ENTPD1: variants seen among roughly 807,000 people sequenced by gnomAD.
ENTPD1 encodes the protein ATP diphosphohydrolase.
Under a neutral mutation model 57.0 loss-of-function variants are expected in ENTPD1, and 33 were observed. The observed-to-expected ratio is 0.58, with a 90% CI of 0.44 to 0.77. The LOEUF is 0.77. ENTPD1 is among the 30% of genes least tolerant of loss of function. ENTPD1 has a pLI of 0.00. For synonymous variants in ENTPD1, 202 were observed against 218.8 expected, an observed-to-expected ratio of 0.92 and a Z score of 0.68; for missense variants, 501 against 603.4, an observed-to-expected ratio of 0.83 and a Z score of 1.78.
chr10:95,706,277 T>C, the ENTPD1 span, among the ~76,000 whole-genome samples: 1 of 152,248 alleles, frequency 6.6e-6, no homozygotes, highest in Non-Finnish European at 1.5e-5. Context: ...CCTAGAAACC[T>C]CTGTGGCCAG....
chr10:95,710,410 A>AT (rs1321722945), upstream of ENTPD1, among the ~76,000 whole-genome samples: 12 of 151,864 alleles, frequency 7.9e-5, no homozygotes, highest in Non-Finnish European at 1.5e-4. Context: ...TTTAAAAAAA[A>AT]TTTTTTTTAA....
At chr10:95,774,357 G>C (rs566115625) in intron 1 of ENTPD1, among the ~76,000 whole-genome samples, 1 of 152,056 alleles carries the variant, frequency 6.6e-6, no homozygotes, top group Non-Finnish European at 1.5e-5. Flanking sequence ...TGTCTATTTT[G>C]GCTTTTGTTG....
chr10:95,796,371 G>A (rs1213550988), intron 1 of ENTPD1, among the ~76,000 whole-genome samples: 1 of 152,120 alleles, frequency 6.6e-6, no homozygotes, highest in Non-Finnish European at 1.5e-5. Flanking sequence ...AAGACTTCCT[G>A]GAAGTGATAA....
intron 1 of ENTPD1, among the ~76,000 whole-genome samples, chr10:95,719,748 T>C (rs1311357267): frequency 6.6e-6 from 1 of 152,208 alleles, no homozygotes; most frequent in East Asian, 1.9e-4. Flanking sequence ...GGTATGAGAA[T>C]TGACTCAAGT....
intron 1 of ENTPD1, among the ~76,000 whole-genome samples, chr10:95,815,079 G>A (rs772200106): frequency 1.1e-4 from 16 of 152,140 alleles, no homozygotes; most frequent in African/African-American, 2.9e-4. Context: ...GAAAAAACCC[G>A]CTAAATTAAA....
chr10:95,707,398 A>G (rs2097962977), upstream of ENTPD1, among the ~76,000 whole-genome samples: 1 of 152,186 alleles, frequency 6.6e-6, no homozygotes, highest in African/African-American at 2.4e-5. Flanking sequence ...CAGAAAGGGC[A>G]GGCCTCCCAC....
At chr10:95,699,293 A>C in the ENTPD1 span, among the ~76,000 whole-genome samples, 3 of 152,232 alleles carry the variant, frequency 2.0e-5, no homozygotes, top group Non-Finnish European at 2.9e-5. Flanking sequence ...TCAACTAGGA[A>C]TTGTGATTAA....
Position 95,866,288 on chromosome 10 carries a change from C to G in ENTPD1, c.1438C>G (p.Leu480Val), listed in dbSNP as rs769482123. ...TCTCTCCCACTCCACCTATGTCTTCCTCATGGTTCTATTCTCCCTGGTCCT... is the reference window on the plus strand; with the variant it reads ...TCTCTCCCACTCCACCTATGTCTTCGTCATGGTTCTATTCTCCCTGGTCCT... Reference protein sequence around the residue: ...TPLSHSTYVFLMVLFSLVLFT... With the variant: ...TPLSHSTYVFVMVLFSLVLFT... Residue 480 changes from leucine (L) to valine (V), a missense_variant, in exon 10 of 10, where the codon CTC becomes GTC. Physicochemically the swap from Leu to Val is conservative, Grantham distance 32. Coordinates refer to ENST00000371205, the MANE Select transcript of ENTPD1 (RefSeq NM_001776.6). 1 of 1,614,208 alleles carries G rather than the reference C, an allele frequency of 6.2e-7. No homozygotes were observed. The highest frequency in any genetic ancestry group is 1.1e-5 in the South Asian group (1 of 91,090).
chr10:95,744,037 C>G (rs1369683578), intron 1 of ENTPD1, among the ~76,000 whole-genome samples: 13 of 58,556 alleles, frequency 2.2e-4, no homozygotes, highest in South Asian at 5.6e-4. Flanking sequence ...TATATATATG[C>G]ACAACTATAA....
intron 2 of ENTPD1, among the ~76,000 whole-genome samples, chr10:95,830,442 A>T (rs2098392689): frequency 6.6e-6 from 1 of 152,190 alleles, no homozygotes; most frequent in Non-Finnish European, 1.5e-5. Flanking sequence ...CTTTTCAAAA[A>T]TATGGCTGGG....
rs994274580 is a variant in ENTPD1, at chr10:95,813,816, G to A, written c.17-9421G>A. Among the ~76,000 whole-genome samples the A allele has an allele frequency of 2.0e-5, 3 of 152,184 alleles. No homozygotes were observed. In the South Asian group the frequency reaches 6.2e-4, roughly 32 times the overall value. On this transcript the variant is annotated intron_variant, in intron 1 of 9. Transcript: ENST00000371205. ...GGTGCAAAAATAAGGCGGTATAAAT[G>A]AGAGAGTTTATAAAGGCAAGGTATA... is the stretch of plus-strand genomic sequence containing the variant.
intron 1 of ENTPD1, among the ~76,000 whole-genome samples, chr10:95,721,379 T>C (rs1343363009): frequency 6.6e-6 from 1 of 152,234 alleles, no homozygotes; most frequent in African/African-American, 2.4e-5. Flanking sequence ...GTTGTCATCC[T>C]ATCATTGACC....
At chr10:95,712,234 C>A (rs2097966380) in intron 1 of ENTPD1, among the ~76,000 whole-genome samples, 1 of 152,090 alleles carries the variant, frequency 6.6e-6, no homozygotes, top group African/African-American at 2.4e-5. Flanking sequence ...GTTGTTGTGT[C>A]ATAAAGAAGG....
intron 1 of ENTPD1, among the ~76,000 whole-genome samples, chr10:95,723,078 G>C (rs369245037): frequency 6.6e-6 from 1 of 152,194 alleles, no homozygotes; most frequent in Non-Finnish European, 1.5e-5. Flanking sequence ...TGATAGGAAG[G>C]CTGCGGGTTG....
In ENTPD1 at chr10:95,787,085, A is replaced by G. The variant is rs189069925; in HGVS notation, c.16+30830A>G. ...CTTTGGTTTTGTTTTCAATTTAGGT[A>G]ATGAGCTACCAACATTAGAATGATG... On this transcript the variant is annotated intron_variant, in intron 1 of 9. Coordinates refer to ENST00000371205, the MANE Select transcript of ENTPD1 (RefSeq NM_001776.6). Among the ~76,000 whole-genome samples, 246 of 152,310 alleles carry G rather than the reference A, an allele frequency of 1.6e-3. 1 individual carries two copies. Among genetic ancestry groups the G allele is most frequent in the African/African-American group, 5.1e-3 (210 of 41,570 alleles).
the ENTPD1 span, among the ~76,000 whole-genome samples, chr10:95,696,626 T>G: frequency 1.1e-4 from 17 of 152,330 alleles, no homozygotes; most frequent in African/African-American, 4.1e-4. Context: ...TATAGAACTC[T>G]CAATACTTTT....
intron 1 of ENTPD1, among the ~76,000 whole-genome samples, chr10:95,817,899 G>T (rs116956146): frequency 0.034 from 5,138 of 152,258 alleles, 116 homozygotes; most frequent in Non-Finnish European, 0.049. Context: ...CCTAGGGCAG[G>T]TCTAGTTCAT....
Position 95,802,902 on chromosome 10 carries a change from G to A in ENTPD1, c.17-20335G>A, listed in dbSNP as rs546947356. ...AGTCTTTGCTATTGTGAATAGTGCC[G>A]CAATAAACATACGTATGCATACGTC... On this transcript the variant is annotated intron_variant, in intron 1 of 9. Coordinates refer to ENST00000371205, the MANE Select transcript of ENTPD1 (RefSeq NM_001776.6). 3.1e-4 allele frequency among the ~76,000 whole-genome samples: 47 copies of A among 152,112 alleles called. No homozygotes were observed. In the East Asian group the frequency reaches 3.7e-3, roughly 12 times the overall value.
At chr10:95,767,902 T>G (rs1357562241) in intron 1 of ENTPD1, among the ~76,000 whole-genome samples, 2 of 152,188 alleles carry the variant, frequency 1.3e-5, no homozygotes, top group Non-Finnish European at 2.9e-5. Context: ...CTGGAGGTGC[T>G]TGGGTCATGA....
Sources: allele counts gnomAD v4.1 joint callset (sites outside exome capture counted in the v4.1 genomes callset), GRCh38; gene constraint gnomAD v4.1.1; transcripts MANE v1.5; gene names NCBI Gene and HGNC (gene_info 2026-07-23, HGNC 2026-07-21).